CRABP1: variants seen among roughly 807,000 people sequenced by gnomAD.
CRABP1 encodes cellular retinoic acid-binding protein 1.
Under a neutral mutation model 16.4 loss-of-function variants are expected in CRABP1, and 9 were observed. The ratio of observed to expected loss-of-function variants is 0.55; its 90% CI spans 0.33 to 0.96. The LOEUF (loss-of-function observed/expected upper bound fraction) is 0.96. Ranked by LOEUF, CRABP1 falls within the 40% of genes least tolerant of loss-of-function variation. The probability of loss-of-function intolerance (pLI) is 0.03; values close to 1 mark genes in which losing one functional copy is unlikely to be tolerated. For synonymous variants in CRABP1, 72 were observed against 70.4 expected (o/e 1.02, Z -0.11); for missense variants, 157 against 186.0 (o/e 0.84, Z 0.91).
At chr15:78,342,529 C>T (rs1016399249) in intron 2 of CRABP1, among the ~76,000 whole-genome samples, 6 of 152,152 alleles carry the variant, frequency 3.9e-5, no homozygotes, top group Non-Finnish European at 8.8e-5. Flanking sequence ...CCCAGCCCAG[C>T]TGTACCACAC....
chr15:78,346,130 G>A (rs1457470067), intron 3 of CRABP1, among the ~76,000 whole-genome samples: 5 of 152,156 alleles, frequency 3.3e-5, no homozygotes, highest in Admixed American at 6.5e-5. Context: ...AGGGTACAGC[G>A]TTCAATACCC....
intron 3 of CRABP1, 124 bp from the exon 4 acceptor site, chr15:78,347,803 G>A: frequency 1.1e-6 from 1 of 884,832 alleles, no homozygotes; most frequent in Middle Eastern, 2.2e-4. Flanking sequence ...ACACACACAG[G>A]AAATTGAATG....
rs28544274 is a variant in CRABP1, at chr15:78,340,744, T to G, written c.70+246T>G. 147 of 600,772 alleles carry G rather than the reference T, an allele frequency of 2.4e-4. No homozygotes were observed. In the African/African-American group the frequency reaches 2.5e-3, roughly 10 times the overall value. The allele number at this position is 600,772 out of a possible 1,614,324, so 37.2% of individuals were successfully genotyped here. A position where few individuals can be genotyped will look rare whatever the true frequency, so the allele number is the denominator to read the frequency against. ...GGCGCCCTCCTCGATGGTGCGGACTTTATCTCGTGCTAGATCATAGCGAGG... is the reference window on the plus strand; with the variant it reads ...GGCGCCCTCCTCGATGGTGCGGACTGTATCTCGTGCTAGATCATAGCGAGG... On this transcript the variant is annotated intron_variant, in intron 1 of 3. Transcript: ENST00000299529.
chr15:78,340,723 C>G, intron 1 of CRABP1: 1 of 610,522 alleles, frequency 1.6e-6, no homozygotes, highest in Non-Finnish European at 2.9e-6. Flanking sequence ...ATGTTTGGCG[C>G]CCTCCTCGAT....
At chr15:78,340,982 G>C (rs1481799002) in intron 1 of CRABP1, 61 bp from the exon 2 acceptor site, 2 of 1,538,520 alleles carry the variant, frequency 1.3e-6, no homozygotes, top group Non-Finnish European at 8.8e-7. Flanking sequence ...ACCAGTGCCC[G>C]ACCGGTCCCG....
At chr15:78,342,796 T>C (rs538243054) in intron 2 of CRABP1, among the ~76,000 whole-genome samples, 63 of 152,356 alleles carry the variant, frequency 4.1e-4, no homozygotes, top group African/African-American at 1.4e-3. Context: ...ATCGTGCTCC[T>C]GATAGGCTGA....
intron 3 of CRABP1, among the ~76,000 whole-genome samples, chr15:78,344,483 A>G (rs2050254304): frequency 6.6e-6 from 1 of 151,860 alleles, no homozygotes; most frequent in Non-Finnish European, 1.5e-5. Context: ...TCAGACGAAA[A>G]CATTTTAAAC....
intron 3 of CRABP1, among the ~76,000 whole-genome samples, chr15:78,347,067 G>A (rs998292380): frequency 2.6e-5 from 4 of 151,582 alleles, no homozygotes; most frequent in African/African-American, 4.9e-5. Flanking sequence ...GAGCAGGCCT[G>A]TGAGTAATTG....
At chr15:78,343,446 G>A (rs2050246602) in intron 2 of CRABP1, 53 bp from the exon 3 acceptor site, 3 of 1,382,476 alleles carry the variant, frequency 2.2e-6, no homozygotes, top group Admixed American at 1.7e-5. Context: ...TGTTGTCCCT[G>A]CTCCCGCTGC....
At chr15:78,347,274 C>G (rs766402623) in intron 3 of CRABP1, among the ~76,000 whole-genome samples, 3 of 152,184 alleles carry the variant, frequency 2.0e-5, no homozygotes, top group Non-Finnish European at 4.4e-5. Flanking sequence ...CAACACCAGC[C>G]CCTGCCTGCC....
intron 3 of CRABP1, among the ~76,000 whole-genome samples, chr15:78,346,540 A>G (rs1354896306): frequency 2.0e-5 from 3 of 152,200 alleles, no homozygotes; most frequent in Non-Finnish European, 4.4e-5. Context: ...ATGGTGGTGT[A>G]TGCCTGTAAT....
In CRABP1 at chr15:78,348,028, G is replaced by A. The variant is rs2050276884; in HGVS notation, c.*51G>A. On this transcript the variant is annotated 3_prime_UTR_variant, in exon 4 of 4. Coordinates refer to ENST00000299529, the MANE Select transcript of CRABP1 (RefSeq NM_004378.3). ...AGGAAGGGATGCAGGCTCCCCTGAG[G>A]AATATGTCATAGTTCTGAGCTGCCA... is the stretch of plus-strand genomic sequence containing the variant. 5 of 1,571,744 alleles carry A rather than the reference G, an allele frequency of 3.2e-6. No individual in the cohort carries two copies. Among genetic ancestry groups the A allele is most frequent in the Non-Finnish European group, 4.4e-6 (5 of 1,143,666 alleles).
intron 3 of CRABP1, among the ~76,000 whole-genome samples, chr15:78,344,425 A>C (rs953729088): frequency 6.6e-6 from 1 of 151,384 alleles, no homozygotes; most frequent in Admixed American, 6.6e-5. Flanking sequence ...GCACCACTGC[A>C]CTCCAGCCTG....
chr15:78,345,131 G>T (rs972349301), intron 3 of CRABP1, among the ~76,000 whole-genome samples: 1 of 152,144 alleles, frequency 6.6e-6, no homozygotes, highest in Non-Finnish European at 1.5e-5. Flanking sequence ...TGCTAGGAAA[G>T]GACTTGCAGT....
chr15:78,346,808 A>G (rs1323885892), intron 3 of CRABP1, among the ~76,000 whole-genome samples: 9 of 152,222 alleles, frequency 5.9e-5, no homozygotes, highest in African/African-American at 2.2e-4. Flanking sequence ...ATGGCAGGGT[A>G]AGAATATAAA....
In CRABP1 at chr15:78,348,208, T is replaced by C; in HGVS notation, c.*231T>C. On this transcript the variant is annotated 3_prime_UTR_variant, in exon 4 of 4. Coordinates refer to ENST00000299529, the MANE Select transcript of CRABP1 (RefSeq NM_004378.3). ...TTGCACGGTTTCGAAGTCATTAAAC[T>C]GGTTAGACGTGTCTCAACCTTTTCC... The C allele has an allele frequency of 1.8e-6, 1 of 558,806 alleles. No individual in the cohort carries two copies. The highest frequency in any genetic ancestry group is 3.2e-6 in the Non-Finnish European group (1 of 316,152). 34.6% of individuals were successfully genotyped at this position (558,806 alleles called of 1,614,324 possible).
intron 2 of CRABP1, among the ~76,000 whole-genome samples, chr15:78,342,169 A>C (rs1000811062): frequency 6.6e-6 from 1 of 152,100 alleles, no homozygotes; most frequent in Non-Finnish European, 1.5e-5. Context: ...CTAGGAGGCA[A>C]TCTTTGGCTC....
chr15:78,347,231 C>T lies in CRABP1; in HGVS notation c.364-696C>T, dbSNP rs551039811. On this transcript the variant is annotated intron_variant, in intron 3 of 3. Transcript: ENST00000299529. Reference sequence around the variant, plus strand: ...AGAATTTTAGCTGGAAGAGCCTTTGCGATGATCATCTTGTCAACTCCACCC... The same window carrying T: ...AGAATTTTAGCTGGAAGAGCCTTTGTGATGATCATCTTGTCAACTCCACCC... 1.7e-3 allele frequency among the ~76,000 whole-genome samples: 255 copies of T among 152,252 alleles called. 1 individual carries two copies. The highest frequency in any genetic ancestry group is 5.8e-3 in the African/African-American group (241 of 41,538).
chr15:78,343,574 T>C lies in CRABP1; in HGVS notation c.325T>C (p.Tyr109His). 6.2e-7 allele frequency: 1 copy of C among 1,614,198 alleles called. No individual in the cohort carries two copies. The highest frequency in any genetic ancestry group is 8.5e-7 in the Non-Finnish European group (1 of 1,180,032). Reference sequence around the variant, plus strand: ...TCTTGAAGGGGACGGCCCCAAAACCTACTGGACCCGTGAGCTGGCCAACGA... The same window carrying C: ...TCTTGAAGGGGACGGCCCCAAAACCCACTGGACCCGTGAGCTGGCCAACGA... ...TLLEGDGPKT[Y>H]WTRELANDEL... is the part of the protein sequence containing the mutation. Residue 109 changes from tyrosine (Y) to histidine (H), a missense_variant, in exon 3 of 4, where the codon TAC (tyrosine) becomes CAC (histidine). Tyr to His is a moderately conservative substitution (Grantham distance 83, BLOSUM62 2). Transcript: ENST00000299529.
Sources: allele counts gnomAD v4.1 joint callset (sites outside exome capture counted in the v4.1 genomes callset), GRCh38; gene constraint gnomAD v4.1.1; transcripts MANE v1.5; gene names NCBI Gene and HGNC (gene_info 2026-07-23, HGNC 2026-07-21).